Variants in FHOD3 observed in about 807,000 individuals in gnomAD.
FHOD3 encodes the protein FH1/FH2 domain-containing protein 3.
FHOD3 carries 90 observed loss-of-function variants against 173.0 expected under a neutral mutation model. The observed-to-expected ratio is 0.52, with a 90% CI of 0.44 to 0.62. The LOEUF (loss-of-function observed/expected upper bound fraction) is 0.62. Among genes scored for constraint, FHOD3 ranks in the 20% least tolerant of loss-of-function variants. FHOD3 has a pLI of 0.00. For synonymous variants in FHOD3, 828 were observed against 823.0 expected (o/e 1.01, Z -0.10); for missense variants, 1,945 against 2,034.7 (o/e 0.96, Z 0.85).
Position 36,625,663 on chromosome 18 carries a change from C to T in FHOD3, c.1110C>T (p.Ile370=), listed in dbSNP as rs2034047157. The change falls in exon 10 of 29, where the codon ATC becomes ATT. Residue 370 remains isoleucine (I), a synonymous_variant. Coordinates refer to ENST00000590592, the MANE Select transcript of FHOD3 (RefSeq NM_001281740.3). ...RRSRRHSVQS[I]KSTLSAPTSP... ...GCCGCAGGCACTCGGTGCAGAGCATCAAGAGCACCCTGTCGGCCCCCACCA... is the reference window on the plus strand; with the variant it reads ...GCCGCAGGCACTCGGTGCAGAGCATTAAGAGCACCCTGTCGGCCCCCACCA... The T allele has an allele frequency of 1.2e-6, 2 of 1,612,530 alleles. No homozygotes were observed. The highest frequency in any genetic ancestry group is 2.2e-5 in the East Asian group (1 of 44,714).
chr18:36,466,116 T>G (rs999769747), intron 3 of FHOD3, among the ~76,000 whole-genome samples: 2 of 152,170 alleles, frequency 1.3e-5, no homozygotes, highest in Non-Finnish European at 2.9e-5. Flanking sequence ...GTTACTCTCC[T>G]GCAGAGAGCT....
intron 19 of FHOD3, among the ~76,000 whole-genome samples, chr18:36,728,605 T>A (rs1202536775): frequency 2.6e-5 from 4 of 151,122 alleles, no homozygotes; most frequent in South Asian, 2.1e-4. Flanking sequence ...TTTTTTTTTT[T>A]AAATGAAGAA....
chr18:36,674,110 A>G (rs2037701657), intron 14 of FHOD3, among the ~76,000 whole-genome samples: 2 of 152,248 alleles, frequency 1.3e-5, no homozygotes. Context: ...AGGAAAGTCA[A>G]AAATTCTGAT....
At chr18:36,534,725 A>G (rs927048287) in intron 5 of FHOD3, among the ~76,000 whole-genome samples, 3 of 152,160 alleles carry the variant, frequency 2.0e-5, no homozygotes, top group Non-Finnish European at 4.4e-5. Flanking sequence ...TAGAGGACTG[A>G]ATCTGTTCTG....
At chr18:36,420,591 C>T (rs1313477455) in intron 3 of FHOD3, among the ~76,000 whole-genome samples, 1 of 152,192 alleles carries the variant, frequency 6.6e-6, no homozygotes, top group Non-Finnish European at 1.5e-5. Context: ...GTTTAACAAC[C>T]AGCCCTTAGA....
chr18:36,766,832 C>T (rs1029191411), intron 27 of FHOD3, among the ~76,000 whole-genome samples: 7 of 152,112 alleles, frequency 4.6e-5, no homozygotes, highest in African/African-American at 1.7e-4. Context: ...TCATTTCTGG[C>T]CCAGTGCTCT....
At chr18:36,573,412 C>T (rs959344096) in intron 5 of FHOD3, among the ~76,000 whole-genome samples, 9 of 148,936 alleles carry the variant, frequency 6.0e-5, no homozygotes, top group African/African-American at 2.2e-4. Flanking sequence ...TGAAACCAGC[C>T]TGGATAGCAG....
chr18:36,332,830 A>G (rs2045092589), intron 1 of FHOD3, among the ~76,000 whole-genome samples: 1 of 152,054 alleles, frequency 6.6e-6, no homozygotes, highest in South Asian at 2.1e-4. Context: ...AGAAATTCTG[A>G]CTTAGTTGAT....
At chr18:36,457,682 G>A (rs2052301975) in intron 3 of FHOD3, among the ~76,000 whole-genome samples, 1 of 152,180 alleles carries the variant, frequency 6.6e-6, no homozygotes, top group Admixed American at 6.5e-5. Context: ...CAGGTGAAGA[G>A]TTGTATGTCC....
chr18:36,394,121 T>G (rs2048436698), intron 3 of FHOD3, among the ~76,000 whole-genome samples: 1 of 151,652 alleles, frequency 6.6e-6, no homozygotes, highest in African/African-American at 2.4e-5. Flanking sequence ...GGTATGGGAG[T>G]AGGGGAGTGA....
At chr18:36,634,166 G>T (rs1265673228) in intron 10 of FHOD3, among the ~76,000 whole-genome samples, 1 of 152,206 alleles carries the variant, frequency 6.6e-6, no homozygotes, top group Admixed American at 6.5e-5. Context: ...GTAGGATGCG[G>T]GTAGCCAAGC....
intron 3 of FHOD3, among the ~76,000 whole-genome samples, chr18:36,458,363 A>C (rs1250651514): frequency 1.3e-5 from 2 of 152,170 alleles, no homozygotes; most frequent in Admixed American, 6.5e-5. Flanking sequence ...CCTTATAAGG[A>C]GTAACAGAAA....
chr18:36,483,918 C>T (rs2054060921), intron 3 of FHOD3, among the ~76,000 whole-genome samples: 1 of 152,178 alleles, frequency 6.6e-6, no homozygotes, highest in South Asian at 2.1e-4. Flanking sequence ...CTACATGCCC[C>T]GAGGTCAGTG....
intron 15 of FHOD3, among the ~76,000 whole-genome samples, chr18:36,682,910 A>G (rs557713437): frequency 3.3e-5 from 5 of 152,354 alleles, no homozygotes; most frequent in African/African-American, 1.2e-4. Flanking sequence ...GCCAAGAAGT[A>G]TATGTGTAAT....
At chr18:36,423,697 G>T (rs1568252469) in intron 3 of FHOD3, among the ~76,000 whole-genome samples, 1 of 152,204 alleles carries the variant, frequency 6.6e-6, no homozygotes, top group Non-Finnish European at 1.5e-5. Flanking sequence ...AGAATGACAT[G>T]AGAACAAGAA....
chr18:36,388,801 T>C (rs1210045200), intron 3 of FHOD3, among the ~76,000 whole-genome samples: 12 of 152,244 alleles, frequency 7.9e-5, no homozygotes, highest in Non-Finnish European at 5.9e-5. Context: ...GAATAAGGGT[T>C]TTCTAAAGTT....
At chr18:36,617,611 G>GTGTGTGTGTGCA (rs1250361357) in intron 9 of FHOD3, among the ~76,000 whole-genome samples, 7 of 7,582 alleles carry the variant, frequency 9.2e-4, no homozygotes, top group South Asian at 0.019. Flanking sequence ...GTGTGTGTGT[G>GTGTGTGTGTGCA]TGTGTGTGCA....
chr18:36,672,311 C>G (rs957453032), intron 14 of FHOD3, among the ~76,000 whole-genome samples: 3 of 152,154 alleles, frequency 2.0e-5, no homozygotes, highest in South Asian at 2.1e-4. Flanking sequence ...AAACAACAAC[C>G]ATGCATTTAC....
chr18:36,767,819 T>A (rs1475835637), intron 27 of FHOD3, among the ~76,000 whole-genome samples: 1 of 151,224 alleles, frequency 6.6e-6, no homozygotes, highest in Non-Finnish European at 1.5e-5. Flanking sequence ...ATATGTCAAC[T>A]ACACACACAC....
Sources: gnomAD v4.1 joint callset for allele counts (sites outside exome capture counted in the v4.1 genomes callset) on GRCh38, gnomAD v4.1.1 for gene constraint, MANE v1.5 for transcripts, NCBI Gene and HGNC (gene_info 2026-07-23, HGNC 2026-07-21) for gene names.